PON1: variants seen among roughly 807,000 people sequenced by gnomAD.
PON1 encodes paraoxonase 1.
In PON1, 37 loss-of-function variants were observed where a neutral mutation model predicts 39.2. That is an observed-to-expected ratio of 0.94 (90% CI 0.73 to 1.24). PON1 has a LOEUF of 1.24. PON1 is among the 50% of genes most tolerant of loss of function. PON1 has a pLI of 0.00. For synonymous variants in PON1, 148 were observed against 152.2 expected (o/e 0.97, Z 0.21); for missense variants, 397 against 413.5 (o/e 0.96, Z 0.35).
intron 1 of PON1, among the ~76,000 whole-genome samples, chr7:95,323,711 T>C (rs1161086074): frequency 6.6e-6 from 1 of 152,218 alleles, no homozygotes; most frequent in Non-Finnish European, 1.5e-5. Context: ...TAACATTTAT[T>C]GAATAGCTAC....
intron 4 of PON1, among the ~76,000 whole-genome samples, chr7:95,312,720 T>G (rs1411547376): frequency 6.6e-6 from 1 of 151,108 alleles, no homozygotes; most frequent in Non-Finnish European, 1.5e-5. Flanking sequence ...CAGAACTTCC[T>G]GGACATATTC....
chr7:95,312,025 G>A (rs1364470201), intron 4 of PON1, among the ~76,000 whole-genome samples: 1 of 152,194 alleles, frequency 6.6e-6, no homozygotes, highest in Non-Finnish European at 1.5e-5. Flanking sequence ...CAAACAAACA[G>A]AAGCAGCTTC....
chr7:95,301,329 T>A (rs1807415678), intron 8 of PON1, among the ~76,000 whole-genome samples: 1 of 152,216 alleles, frequency 6.6e-6, no homozygotes, highest in South Asian at 2.1e-4. Context: ...TCTTGCCACC[T>A]GCAGGAAGAT....
Position 95,308,200 on chromosome 7 carries a change from A to G in PON1, c.509T>C (p.Ile170Thr), listed in dbSNP as rs1177028361. 2 of 1,613,670 alleles carry G rather than the reference A, an allele frequency of 1.2e-6. No individual in the cohort carries two copies. The highest frequency in any genetic ancestry group is 1.7e-6 in the Non-Finnish European group (2 of 1,179,808). Residue 170 changes from isoleucine to threonine, a missense_variant, in exon 6 of 9, where the codon ATT becomes ACT. Coordinates refer to ENST00000222381, the MANE Select transcript of PON1 (RefSeq NM_000446.7). ...AAAGTGCTCAGGTCCCACAGCAACA[A>G]TATCATTCAAACTGCAATTAAAACA... ...RHKLLPNLND[I>T]VAVGPEHFYG...
intron 1 of PON1, among the ~76,000 whole-genome samples, chr7:95,321,322 G>A (rs907196217): frequency 5.9e-5 from 9 of 152,170 alleles, no homozygotes; most frequent in Non-Finnish European, 8.8e-5. Flanking sequence ...AGAAGTATTC[G>A]GTGAAAATAC....
chr7:95,314,755 G>C (rs1807728766), intron 4 of PON1, among the ~76,000 whole-genome samples: 1 of 152,098 alleles, frequency 6.6e-6, no homozygotes, highest in Non-Finnish European at 1.5e-5. Context: ...TTAATACAGA[G>C]ACAAGGAAGT....
At chr7:95,319,303 C>T (rs1040207344) in intron 1 of PON1, among the ~76,000 whole-genome samples, 14 of 151,912 alleles carry the variant, frequency 9.2e-5, no homozygotes, top group East Asian at 1.9e-4. Context: ...GGAACAGACA[C>T]GCTAGATAAA....
Position 95,308,212 on chromosome 7 carries a change from C to A in PON1, c.498-1G>T. 6.2e-7 allele frequency: 1 copy of A among 1,613,148 alleles called. No individual in the cohort carries two copies. Among genetic ancestry groups the A allele is most frequent in the African/African-American group, 1.3e-5 (1 of 75,022 alleles). On this transcript the variant is annotated splice_acceptor_variant, in intron 5 of 8. Transcript: ENST00000222381. LOFTEE classifies it high-confidence loss of function. ...TCCCACAGCAACAATATCATTCAAA[C>A]TGCAATTAAAACATACACACATAAT...
intron 8 of PON1, among the ~76,000 whole-genome samples, chr7:95,300,195 A>G (rs936937440): frequency 3.3e-5 from 5 of 152,240 alleles, no homozygotes; most frequent in African/African-American, 1.2e-4. Flanking sequence ...GACTGTAAAA[A>G]ATAGCAATAG....
chr7:95,306,691 C>T (rs936719298), intron 6 of PON1, among the ~76,000 whole-genome samples: 8 of 152,066 alleles, frequency 5.3e-5, no homozygotes, highest in Non-Finnish European at 1.0e-4. Context: ...GTGTCAAGGC[C>T]CAGGTTCTGC....
chr7:95,300,708 C>G (rs1484693811), intron 8 of PON1, among the ~76,000 whole-genome samples: 1 of 152,154 alleles, frequency 6.6e-6, no homozygotes, highest in Non-Finnish European at 1.5e-5. Context: ...TCCAGAACAA[C>G]AAACCAAGTC....
chr7:95,322,511 A>G (rs1285433839), intron 1 of PON1, among the ~76,000 whole-genome samples: 1 of 152,154 alleles, frequency 6.6e-6, no homozygotes, highest in African/African-American at 2.4e-5. Context: ...CTCTCTTCCC[A>G]CAACTGTGTG....
At chr7:95,323,136 GC>G (rs1807936430) in intron 1 of PON1, among the ~76,000 whole-genome samples, 1 of 152,130 alleles carries the variant, frequency 6.6e-6, no homozygotes, top group South Asian at 2.1e-4. Flanking sequence ...TGTACAGGGA[GC>G]CCCTAGGTGA....
intron 3 of PON1, 68 bp downstream of exon 3, chr7:95,316,666 G>A (rs902952351): frequency 1.5e-6 from 2 of 1,357,744 alleles, no homozygotes; most frequent in African/African-American, 2.9e-5. Context: ...GAAAGCCTAA[G>A]TGAAAGACTT....
Position 95,316,766 on chromosome 7 carries a change from T to A in PON1, c.169A>T (p.Ile57Leu). The A allele has an allele frequency of 6.2e-7, 1 of 1,613,554 alleles. No homozygotes were observed. The highest frequency in any genetic ancestry group is 1.1e-5 in the South Asian group (1 of 91,070). ...GIETGSEDLEILPNGLAFISS... is the reference protein window; with the variant it reads ...GIETGSEDLELLPNGLAFISS... ...ATGAAAGCCAGTCCATTAGGCAGTA[T>A]CTCCAAGTCTTCAGAGCCAGTTTCT... is the stretch of plus-strand genomic sequence containing the variant. Residue 57 changes from isoleucine to leucine, a missense_variant, in exon 3 of 9, where the codon ATA becomes TTA. Ile to Leu is a conservative substitution (Grantham distance 5). Transcript: ENST00000222381.
intron 1 of PON1, 114 bp downstream of exon 1, chr7:95,324,288 G>C: frequency 1.1e-6 from 1 of 933,438 alleles, no homozygotes; most frequent in South Asian, 1.4e-5. Flanking sequence ...TGTGCATCTA[G>C]CACCTGCTTG....
rs1807451114 is a variant in PON1, at chr7:95,302,250, G to A, written c.864C>T (p.Gly288=). 1 of 1,612,590 alleles carries A rather than the reference G, an allele frequency of 6.2e-7. No homozygotes were observed. The highest frequency in any genetic ancestry group is 8.5e-7 in the Non-Finnish European group (1 of 1,178,860). Residue 288 remains glycine (G), a synonymous_variant, in exon 8 of 9, where the codon GGC becomes GGT. Coordinates refer to ENST00000222381, the MANE Select transcript of PON1 (RefSeq NM_000446.7). Reference sequence around the variant, plus strand: ...CTGAGTCATAGAAGAAGATTTTCATGCCATTGGGATGGCATCCAACCCAAA... The same window carrying A: ...CTGAGTCATAGAAGAAGATTTTCATACCATTGGGATGGCATCCAACCCAAA... ...GDLWVGCHPN[G]MKIFFYDSEN... is the part of the protein sequence containing the mutation.
At chr7:95,304,181 A>G (rs930464480) in intron 7 of PON1, among the ~76,000 whole-genome samples, 11 of 151,834 alleles carry the variant, frequency 7.2e-5, no homozygotes, top group Non-Finnish European at 1.2e-4. Flanking sequence ...ATTCTATTCT[A>G]TTTTCTGTCT....
chr7:95,300,524 C>G (rs1807397583), intron 8 of PON1, among the ~76,000 whole-genome samples: 1 of 152,164 alleles, frequency 6.6e-6, no homozygotes, highest in South Asian at 2.1e-4. Context: ...AGGAAGTTGC[C>G]ATAGCATTAA....
Sources: gnomAD v4.1 joint callset for allele counts (sites outside exome capture counted in the v4.1 genomes callset) on GRCh38, gnomAD v4.1.1 for gene constraint, MANE v1.5 for transcripts, NCBI Gene and HGNC (gene_info 2026-07-23, HGNC 2026-07-21) for gene names.